Variants in WWOX observed in about 807,000 individuals in gnomAD.
The protein encoded by WWOX is WW domain-containing oxidoreductase.
A neutral mutation model predicts 46.2 loss-of-function variants in WWOX; 69 were observed. The ratio of observed to expected loss-of-function variants is 1.49; its 90% CI spans 1.23 to 1.82. WWOX has a LOEUF of 1.82. Among genes scored for constraint, WWOX ranks in the 40% most tolerant of loss-of-function variants. The pLI is 0.00. For synonymous variants in WWOX, 359 were observed against 202.6 expected, an observed-to-expected ratio of 1.77 and a Z score of -6.56; for missense variants, 919 against 542.6, an observed-to-expected ratio of 1.69 and a Z score of -6.89.
chr16:78,369,135 CATT>C (rs2081606546), intron 5 of WWOX, among the ~76,000 whole-genome samples: 1 of 151,884 alleles, frequency 6.6e-6, no homozygotes, highest in Non-Finnish European at 1.5e-5. Context: ...AAGGAAAACT[CATT>C]AATGTGGAAA....
chr16:79,104,036 TTGGG>T (rs1567552570), intron 8 of WWOX, among the ~76,000 whole-genome samples: 1 of 2,978 alleles, frequency 3.4e-4, no homozygotes. Flanking sequence ...GTGCCCTTTT[TTGGG>T]GGGGGGGGGG....
chr16:78,716,691 T>G (rs1262091403), intron 8 of WWOX, among the ~76,000 whole-genome samples: 1 of 151,892 alleles, frequency 6.6e-6, no homozygotes, highest in East Asian at 1.9e-4. Flanking sequence ...AGGAGAATCA[T>G]GGGACCACCT....
chr16:79,137,408 T>C (rs2050003204), intron 8 of WWOX, among the ~76,000 whole-genome samples: 1 of 152,166 alleles, frequency 6.6e-6, no homozygotes, highest in South Asian at 2.1e-4. Context: ...AGCTGATAAC[T>C]TGGAGATGTA....
chr16:79,009,609 C>T (rs968302390), intron 8 of WWOX, among the ~76,000 whole-genome samples: 1 of 152,148 alleles, frequency 6.6e-6, no homozygotes, highest in Admixed American at 6.5e-5. Flanking sequence ...TGCCACCACA[C>T]CTGACTAATG....
chr16:78,326,182 G>C (rs2080609246), intron 5 of WWOX, among the ~76,000 whole-genome samples: 1 of 152,100 alleles, frequency 6.6e-6, no homozygotes, highest in Non-Finnish European at 1.5e-5. Context: ...AAGGAAACTG[G>C]GATCACACAG....
chr16:78,792,407 T>C (rs553601754), intron 8 of WWOX, among the ~76,000 whole-genome samples: 1 of 152,132 alleles, frequency 6.6e-6, no homozygotes, highest in African/African-American at 2.4e-5. Context: ...AGCTCGGAGA[T>C]GGCTTCCTAT....
chr16:78,789,359 T>G (rs2050537396), intron 8 of WWOX, among the ~76,000 whole-genome samples: 1 of 152,244 alleles, frequency 6.6e-6, no homozygotes, highest in Admixed American at 6.5e-5. Flanking sequence ...TTTGTTCTTT[T>G]GAATGTGAAT....
intron 8 of WWOX, among the ~76,000 whole-genome samples, chr16:78,711,581 G>C (rs1006950860): frequency 6.6e-6 from 1 of 152,206 alleles, no homozygotes; most frequent in Non-Finnish European, 1.5e-5. Flanking sequence ...ATGACGGAAT[G>C]ATAAACCTTA....
chr16:78,943,859 C>G (rs1457064542), intron 8 of WWOX, among the ~76,000 whole-genome samples: 1 of 152,136 alleles, frequency 6.6e-6, no homozygotes, highest in East Asian at 1.9e-4. Context: ...AGCACAGCTT[C>G]TGGAAGTGTG....
intron 5 of WWOX, among the ~76,000 whole-genome samples, chr16:78,365,745 T>C (rs967002048): frequency 3.9e-4 from 59 of 152,260 alleles, no homozygotes; most frequent in African/African-American, 1.3e-3. Flanking sequence ...TTCTTGTTTT[T>C]TGTTCTTTTG....
At chr16:78,541,291 G>A (rs913981129) in intron 8 of WWOX, among the ~76,000 whole-genome samples, 2 of 150,738 alleles carry the variant, frequency 1.3e-5, no homozygotes, top group African/African-American at 4.9e-5. Context: ...CGGCTAAAAC[G>A]GTGAAACCCC....
intron 8 of WWOX, among the ~76,000 whole-genome samples, chr16:78,613,822 A>G (rs1052251058): frequency 6.6e-6 from 1 of 152,194 alleles, no homozygotes; most frequent in Non-Finnish European, 1.5e-5. Flanking sequence ...GAAGTTTTCA[A>G]ATTTTAAGAA....
chr16:78,585,556 G>A (rs1287760089), intron 8 of WWOX, among the ~76,000 whole-genome samples: 1 of 152,038 alleles, frequency 6.6e-6, no homozygotes, highest in Non-Finnish European at 1.5e-5. Context: ...TTTTCTCCTC[G>A]CTTCCACCTT....
At chr16:78,588,831 A>T in intron 8 of WWOX, among the ~76,000 whole-genome samples, 1 of 152,142 alleles carries the variant, frequency 6.6e-6, no homozygotes, top group Admixed American at 6.5e-5. Flanking sequence ...GGAGAGGTGC[A>T]GGTTTACCCA....
At chr16:78,174,239 C>G (rs546799476) in intron 5 of WWOX, among the ~76,000 whole-genome samples, 2 of 152,044 alleles carry the variant, frequency 1.3e-5, no homozygotes, top group Non-Finnish European at 1.5e-5. Context: ...TGGTAGGAGG[C>G]GAAAGGCACT....
intron 8 of WWOX, among the ~76,000 whole-genome samples, chr16:78,665,532 A>G (rs2047310172): frequency 6.6e-6 from 1 of 152,002 alleles, no homozygotes; most frequent in Non-Finnish European, 1.5e-5. Flanking sequence ...AGAAACTTTA[A>G]CAGATTCCAG....
At chr16:79,072,026 T>C (rs564233526) in intron 8 of WWOX, among the ~76,000 whole-genome samples, 2 of 152,332 alleles carry the variant, frequency 1.3e-5, no homozygotes, top group African/African-American at 2.4e-5. Context: ...CTCATGCCTG[T>C]AATCCTAGCA....
At chr16:78,117,745 C>T (rs1231304141) in intron 4 of WWOX, among the ~76,000 whole-genome samples, 2 of 152,120 alleles carry the variant, frequency 1.3e-5, no homozygotes, top group Admixed American at 6.6e-5. Flanking sequence ...GTGAATTGGG[C>T]ATCTTTACTT....
intron 8 of WWOX, among the ~76,000 whole-genome samples, chr16:78,490,195 C>T (rs566653379): frequency 6.9e-6 from 1 of 145,942 alleles, no homozygotes; most frequent in African/African-American, 2.6e-5. Flanking sequence ...CTTTCCTTAT[C>T]AAGGACGTAC....
Sources: allele counts gnomAD v4.1 joint callset (sites outside exome capture counted in the v4.1 genomes callset), GRCh38; gene constraint gnomAD v4.1.1; transcripts MANE v1.5; gene names NCBI Gene and HGNC (gene_info 2026-07-23, HGNC 2026-07-21).